GPR158: variants seen among roughly 807,000 people sequenced by gnomAD.
The protein encoded by GPR158 is metabotropic glycine receptor.
In GPR158, 30 loss-of-function variants were observed where a neutral mutation model predicts 78.2. The observed-to-expected ratio is 0.38, with a 90% CI of 0.29 to 0.52. The LOEUF is 0.52. GPR158 is among the 20% of genes least tolerant of loss of function. The pLI is 0.83. For synonymous variants in GPR158, 581 were observed against 591.1 expected, an observed-to-expected ratio of 0.98 and a Z score of 0.25; for missense variants, 1,463 against 1,523.5, an observed-to-expected ratio of 0.96 and a Z score of 0.66.
At chr10:25,212,315 C>G (rs971130026) in intron 1 of GPR158, among the ~76,000 whole-genome samples, 3 of 152,114 alleles carry the variant, frequency 2.0e-5, no homozygotes, top group African/African-American at 7.2e-5. Context: ...AGGCGTCTTA[C>G]ATGGGAGGAG....
chr10:25,581,275 A>G (rs1258586914), intron 7 of GPR158, among the ~76,000 whole-genome samples: 1 of 152,020 alleles, frequency 6.6e-6, no homozygotes, highest in Non-Finnish European at 1.5e-5. Context: ...TGCTGTGTTG[A>G]CCAGGCTGGT....
At chr10:25,448,913 T>C (rs1186111522) in intron 4 of GPR158, among the ~76,000 whole-genome samples, 1 of 152,190 alleles carries the variant, frequency 6.6e-6, no homozygotes, top group Non-Finnish European at 1.5e-5. Flanking sequence ...TGGAAAATAT[T>C]GAAAATTTTA....
intron 3 of GPR158, among the ~76,000 whole-genome samples, chr10:25,410,384 G>A (rs1280604549): frequency 1.3e-5 from 2 of 152,180 alleles, no homozygotes; most frequent in African/African-American, 4.8e-5. Context: ...TTGGGAGGCT[G>A]AGGCAGGTGG....
intron 2 of GPR158, among the ~76,000 whole-genome samples, chr10:25,314,864 T>TA (rs1854825399): frequency 1.7e-5 from 2 of 118,572 alleles, no homozygotes; most frequent in South Asian, 6.2e-4. Context: ...CACACTGTCA[T>TA]ATATATATAT....
chr10:25,579,435 CAAATTTAAA>C (rs1837156725), intron 7 of GPR158, among the ~76,000 whole-genome samples: 1 of 152,178 alleles, frequency 6.6e-6, no homozygotes, highest in East Asian at 1.9e-4. Flanking sequence ...ATGGGGGACC[CAAATTTAAA>C]ATACATTTAT....
intron 3 of GPR158, among the ~76,000 whole-genome samples, chr10:25,406,726 T>C (rs1834520833): frequency 1.3e-5 from 2 of 152,178 alleles, no homozygotes; most frequent in Non-Finnish European, 2.9e-5. Flanking sequence ...TAATTTCCTT[T>C]CTTTACAGCT....
In GPR158 at chr10:25,498,069, T is replaced by G. The variant is rs147430831; in HGVS notation, c.1404+31350T>G. 2.5e-3 allele frequency among the ~76,000 whole-genome samples: 375 copies of G among 152,314 alleles called. 4 individuals are homozygous for G. Among genetic ancestry groups the G allele is most frequent in the African/African-American group, 8.7e-3 (360 of 41,570 alleles). The stretch of plus-strand genomic sequence containing the variant: ...GAGCAGAAAGAGAAAGAGGAAGGTT[T>G]TGTTTTGACCTTTGCTTAATGTATA... On this transcript the variant is annotated intron_variant, in intron 5 of 10. Transcript: ENST00000376351.
chr10:25,551,205 T>G, intron 6 of GPR158, 120 bp downstream of exon 6: 1 of 654,248 alleles, frequency 1.5e-6, no homozygotes, highest in Non-Finnish European at 2.8e-6. Flanking sequence ...CATAGCAAGA[T>G]ACTATATATT....
At chr10:25,558,285 A>C (rs1836811778) in intron 6 of GPR158, among the ~76,000 whole-genome samples, 1 of 152,232 alleles carries the variant, frequency 6.6e-6, no homozygotes, top group Non-Finnish European at 1.5e-5. Context: ...GTAATGCAGA[A>C]TTAGTACTTA....
chr10:25,286,412 C>T (rs534891611), intron 2 of GPR158, among the ~76,000 whole-genome samples: 17 of 152,238 alleles, frequency 1.1e-4, no homozygotes, highest in African/African-American at 4.1e-4. Context: ...GTGCTTTTCA[C>T]TATAACATTT....
At chr10:25,554,758 A>G (rs1353181975) in intron 6 of GPR158, among the ~76,000 whole-genome samples, 1 of 152,160 alleles carries the variant, frequency 6.6e-6, no homozygotes, top group Non-Finnish European at 1.5e-5. Flanking sequence ...GTTCGGGGTG[A>G]AGTGGCCTGT....
rs573032357 is a variant in GPR158 at position 25,465,866 on chromosome 10, G to T, written c.1336-785G>T. On this transcript the variant is annotated intron_variant, in intron 4 of 10. Transcript: ENST00000376351. ...TTTGTAAATTTCGTGGATTGAAAGT[G>T]AGGGACTAAGTGGCTAAGTTGGCTG... Among the ~76,000 whole-genome samples, 76 of 152,304 alleles carry T rather than the reference G, an allele frequency of 5.0e-4. 3 individuals are homozygous for T. The South Asian group carries it at 0.016, about 31-fold the overall frequency.
intron 2 of GPR158, among the ~76,000 whole-genome samples, chr10:25,245,661 G>A (rs1021584840): frequency 6.6e-6 from 1 of 152,046 alleles, no homozygotes; most frequent in African/African-American, 2.4e-5. Flanking sequence ...TTAAACTCCT[G>A]CCATGGAACT....
At chr10:25,298,037 G>T (rs1282214490) in intron 2 of GPR158, among the ~76,000 whole-genome samples, 2 of 152,152 alleles carry the variant, frequency 1.3e-5, no homozygotes, top group African/African-American at 4.8e-5. Flanking sequence ...GTGGCATATT[G>T]TGGGGATTGT....
At chr10:25,338,497 G>GTAA (rs1554795016) in intron 2 of GPR158, among the ~76,000 whole-genome samples, 4 of 121,562 alleles carry the variant, frequency 3.3e-5, no homozygotes, top group African/African-American at 9.9e-5. Context: ...TATAATATAC[G>GTAA]TATATATATT....
intron 10 of GPR158, 121 bp downstream of exon 10, chr10:25,596,910 CAGAA>C (rs1837416284): frequency 5.1e-6 from 4 of 778,600 alleles, no homozygotes; most frequent in Middle Eastern, 5.0e-4. Context: ...ATGTATGTCT[CAGAA>C]AGAGGGAATG....
At chr10:25,271,547 A>C (rs970589163) in intron 2 of GPR158, among the ~76,000 whole-genome samples, 2 of 152,194 alleles carry the variant, frequency 1.3e-5, no homozygotes, top group Non-Finnish European at 2.9e-5. Context: ...ACTCTCTTCC[A>C]TTCACTCTGA....
intron 5 of GPR158, among the ~76,000 whole-genome samples, chr10:25,517,121 C>G (rs11527752): frequency 1.4e-5 from 2 of 146,212 alleles, no homozygotes; most frequent in Non-Finnish European, 3.0e-5. Flanking sequence ...GTATTTTATT[C>G]TCTTTGAAGC....
At chr10:25,423,264 G>A (rs1435627562) in intron 4 of GPR158, among the ~76,000 whole-genome samples, 2 of 151,550 alleles carry the variant, frequency 1.3e-5, no homozygotes, top group Non-Finnish European at 2.9e-5. Flanking sequence ...CCATATTTTT[G>A]CAATTGTGAA....
Sources: gnomAD v4.1 joint callset for allele counts (sites outside exome capture counted in the v4.1 genomes callset) on GRCh38, gnomAD v4.1.1 for gene constraint, MANE v1.5 for transcripts, NCBI Gene and HGNC (gene_info 2026-07-23, HGNC 2026-07-21) for gene names.